BTBD9: variants seen among roughly 807,000 people sequenced by gnomAD.
The protein encoded by BTBD9 is BTB domain containing 9, also known as BTB/POZ domain-containing protein 9.
A neutral mutation model predicts 64.3 loss-of-function variants in BTBD9; 49 were observed. The ratio of observed to expected loss-of-function variants is 0.76; its 90% CI spans 0.61 to 0.97. The LOEUF (loss-of-function observed/expected upper bound fraction) is 0.97, where lower values mean the gene tolerates loss of function less well. BTBD9 is among the 50% of genes least tolerant of loss of function. The pLI is 0.00. For missense variants in BTBD9, 598 were observed against 762.1 expected, an observed-to-expected ratio of 0.78 and a Z score of 2.53; for synonymous variants, 260 against 274.7, an observed-to-expected ratio of 0.95 and a Z score of 0.53.
chr6:38,274,583 G>C (rs561276778), intron 8 of BTBD9, among the ~76,000 whole-genome samples: 3 of 152,170 alleles, frequency 2.0e-5, no homozygotes, highest in Non-Finnish European at 4.4e-5. Context: ...AGAGTTTTTA[G>C]CATGAAGGAT....
intron 7 of BTBD9, among the ~76,000 whole-genome samples, chr6:38,294,738 A>T (rs978719995): frequency 3.3e-5 from 5 of 152,192 alleles, no homozygotes; most frequent in African/African-American, 9.6e-5. Flanking sequence ...CCACCATGGC[A>T]TGTGTATACC....
chr6:38,353,420 G>A (rs1262101933), intron 6 of BTBD9, among the ~76,000 whole-genome samples: 1 of 151,260 alleles, frequency 6.6e-6, no homozygotes, highest in Non-Finnish European at 1.5e-5. Flanking sequence ...AGAGACGGGG[G>A]AGAAAAAAGG....
chr6:38,633,329 TACAG>T (rs1778422599), intron 1 of BTBD9, among the ~76,000 whole-genome samples: 1 of 152,164 alleles, frequency 6.6e-6, no homozygotes, highest in Non-Finnish European at 1.5e-5. Flanking sequence ...GGCCACAAGC[TACAG>T]ACAAACAGTT....
chr6:38,308,500 T>C (rs964305134), intron 7 of BTBD9, among the ~76,000 whole-genome samples: 6 of 152,250 alleles, frequency 3.9e-5, no homozygotes, highest in African/African-American at 9.6e-5. Context: ...GGGCATCTTT[T>C]TCTGTGAGTA....
intron 6 of BTBD9, among the ~76,000 whole-genome samples, chr6:38,493,700 C>T (rs2127393345): frequency 6.6e-6 from 1 of 152,276 alleles, no homozygotes; most frequent in South Asian, 2.1e-4. Context: ...AAATTAACTA[C>T]AAAAACATCA....
chr6:38,616,188 T>C (rs1212412454), intron 1 of BTBD9, among the ~76,000 whole-genome samples: 1 of 152,096 alleles, frequency 6.6e-6, no homozygotes, highest in Non-Finnish European at 1.5e-5. Flanking sequence ...AGGATCTCAG[T>C]GGTATAATCA....
At position 38,543,952 on chromosome 6, in the gene BTBD9, G is replaced by A. The variant is rs373446851; in HGVS notation, c.1154+33648C>T. Among the ~76,000 whole-genome samples, 39 of 146,764 alleles carry A rather than the reference G, an allele frequency of 2.7e-4. 1 individual carries two copies. The highest frequency in any genetic ancestry group is 2.4e-3 in the East Asian group (12 of 4,986). ...AACCTGGGAGACACAGCGAGACTCC[G>A]TCTCAAAAAAAAAAAAAAACCTGCC... is the stretch of plus-strand genomic sequence containing the variant. On this transcript the variant is annotated intron_variant, in intron 6 of 10. Transcript: ENST00000481247.
chr6:38,535,743 C>G (rs1468313998), intron 6 of BTBD9, among the ~76,000 whole-genome samples: 1 of 152,018 alleles, frequency 6.6e-6, no homozygotes, highest in Non-Finnish European at 1.5e-5. Context: ...AGGTGCCAAA[C>G]ACATACACTG....
intron 6 of BTBD9, among the ~76,000 whole-genome samples, chr6:38,435,281 G>A (rs1259049493): frequency 6.6e-6 from 1 of 151,360 alleles, no homozygotes; most frequent in Non-Finnish European, 1.5e-5. Context: ...AGAATGACCA[G>A]GCTTAGGTTT....
intron 6 of BTBD9, among the ~76,000 whole-genome samples, chr6:38,522,730 C>T (rs568261918): frequency 2.0e-5 from 3 of 152,126 alleles, no homozygotes. Context: ...CATCCATTTC[C>T]AACTACCAGT....
At chr6:38,589,850 T>G (rs963826425) in intron 4 of BTBD9, among the ~76,000 whole-genome samples, 3 of 152,156 alleles carry the variant, frequency 2.0e-5, no homozygotes, top group African/African-American at 7.2e-5. Flanking sequence ...TCTCCTCCGG[T>G]TGTCCTCTGT....
intron 4 of BTBD9, among the ~76,000 whole-genome samples, chr6:38,581,441 G>A (rs951965574): frequency 1.3e-5 from 2 of 152,118 alleles, no homozygotes. Context: ...TTTTAAAAAT[G>A]AAAATTGATA....
At chr6:38,254,097 C>A (rs1359921586) in intron 9 of BTBD9, among the ~76,000 whole-genome samples, 3 of 150,756 alleles carry the variant, frequency 2.0e-5, no homozygotes, top group Non-Finnish European at 4.4e-5. Context: ...CTAGGTGTAC[C>A]TTCTCTGTTC....
At chr6:38,420,101 C>T (rs1379998131) in intron 6 of BTBD9, among the ~76,000 whole-genome samples, 1 of 152,016 alleles carries the variant, frequency 6.6e-6, no homozygotes, top group East Asian at 1.9e-4. Flanking sequence ...AAAAATCAAT[C>T]TTTCTAAGCT....
At chr6:38,402,518 G>A (rs1486204657) in intron 6 of BTBD9, among the ~76,000 whole-genome samples, 1 of 152,150 alleles carries the variant, frequency 6.6e-6, no homozygotes, top group Non-Finnish European at 1.5e-5. Context: ...TGAGAGCACA[G>A]AAATAAACCC....
intron 7 of BTBD9, among the ~76,000 whole-genome samples, chr6:38,303,423 G>T (rs73730927): frequency 0.063 from 9,509 of 152,076 alleles, 828 homozygotes; most frequent in East Asian, 0.4. Context: ...TGGAATATTG[G>T]TTTTTTAAAA....
chr6:38,524,888 T>C (rs1423017806), intron 6 of BTBD9, among the ~76,000 whole-genome samples: 2 of 152,116 alleles, frequency 1.3e-5, no homozygotes, highest in East Asian at 3.9e-4. Context: ...TCTTTATCTC[T>C]CTGTATCTGG....
At chr6:38,525,716 A>G (rs1773459862) in intron 6 of BTBD9, among the ~76,000 whole-genome samples, 1 of 152,202 alleles carries the variant, frequency 6.6e-6, no homozygotes, top group Non-Finnish European at 1.5e-5. Context: ...TAGCAAAGAG[A>G]CTGGCAGCAC....
intron 6 of BTBD9, among the ~76,000 whole-genome samples, chr6:38,477,746 G>A (rs573825188): frequency 6.6e-6 from 1 of 152,168 alleles, no homozygotes; most frequent in Non-Finnish European, 1.5e-5. Flanking sequence ...ATACGAACTG[G>A]GGGTATTTGA....
Sources: gnomAD v4.1 joint callset for allele counts (sites outside exome capture counted in the v4.1 genomes callset) on GRCh38, gnomAD v4.1.1 for gene constraint, MANE v1.5 for transcripts, NCBI Gene and HGNC (gene_info 2026-07-23, HGNC 2026-07-21) for gene names.